The following PRKCH variants were observed in gnomAD, a reference collection of about 807,000 sequenced individuals.
PRKCH encodes protein kinase C eta type.
A neutral mutation model predicts 82.5 loss-of-function variants in PRKCH; 28 were observed. That is an observed-to-expected ratio of 0.34 (90% confidence interval 0.25 to 0.47). PRKCH has a LOEUF of 0.47. Ranked by LOEUF, PRKCH falls within the 20% of genes least tolerant of loss-of-function variation. The pLI, the probability that PRKCH is intolerant of heterozygous loss-of-function variation, is 1.00. For synonymous variants in PRKCH, 322 were observed against 327.4 expected (o/e 0.98, Z 0.18); for missense variants, 705 against 881.8 (o/e 0.80, Z 2.54).
chr14:61,504,310 T>C (rs946948762), intron 10 of PRKCH, among the ~76,000 whole-genome samples: 2 of 152,126 alleles, frequency 1.3e-5, no homozygotes, highest in African/African-American at 4.8e-5. Context: ...TGCTTCAGCC[T>C]CCTGAGTAGC....
intron 1 of PRKCH, among the ~76,000 whole-genome samples, chr14:61,241,169 A>G (rs1055446498): frequency 6.6e-6 from 1 of 152,184 alleles, no homozygotes; most frequent in Non-Finnish European, 1.5e-5. Context: ...TTACTGGTTT[A>G]TTATAAGGGT....
chr14:61,216,458 A>G (rs2044617058), intron 1 of PRKCH, among the ~76,000 whole-genome samples: 1 of 151,994 alleles, frequency 6.6e-6, no homozygotes, highest in Non-Finnish European at 1.5e-5. Flanking sequence ...TGATAGAGCA[A>G]GACTCTGTCT....
chr14:61,276,564 C>G (rs1351835032), intron 1 of PRKCH, among the ~76,000 whole-genome samples: 1 of 151,912 alleles, frequency 6.6e-6, no homozygotes, highest in East Asian at 1.9e-4. Flanking sequence ...CCATGTTGGC[C>G]AGGCTGGTCT....
At chr14:61,533,070 C>G (rs1047633061) in intron 12 of PRKCH, among the ~76,000 whole-genome samples, 2 of 152,200 alleles carry the variant, frequency 1.3e-5, no homozygotes, top group African/African-American at 4.8e-5. Flanking sequence ...TACCTTCTGG[C>G]TGAGTGGCCT....
At chr14:61,305,027 TTTTC>T (rs1440033040) in intron 1 of PRKCH, 2 of 152,082 alleles carry the variant, frequency 1.3e-5, no homozygotes, top group African/African-American at 4.8e-5. Context: ...AGCTGGTGTG[TTTTC>T]TTTCTTTATT....
At position 61,321,802 on chromosome 14, in the gene PRKCH, C is replaced by G. The variant is rs1214380783; in HGVS notation, c.-300C>G. ...GAGCTGCCCGGCCCTGGAGAAGGGG[C>G]GAGTCCTGCGCGAGTCCCCGGGAGG... On this transcript the variant is annotated 5_prime_UTR_variant, in exon 1 of 14. Transcript: ENST00000332981. This position sits in a 1 kb window ranked among gnomAD's most constrained non-coding sequence, Gnocchi z 4.1. The G allele has an allele frequency of 3.4e-6, 1 of 293,354 alleles. No individual in the cohort carries two copies. Among genetic ancestry groups the G allele is most frequent in the East Asian group, 7.7e-5 (1 of 13,070 alleles). 18.2% of individuals were successfully genotyped at this position (293,354 alleles called of 1,614,324 possible).
chr14:61,335,720 T>A (rs2045848455), intron 1 of PRKCH, among the ~76,000 whole-genome samples: 2 of 152,236 alleles, frequency 1.3e-5, no homozygotes, highest in East Asian at 3.8e-4. Flanking sequence ...ATAATGCCTA[T>A]TTTGGCATCT....
intron 9 of PRKCH, among the ~76,000 whole-genome samples, chr14:61,472,853 T>C (rs11621877): frequency 0.64 from 97,920 of 152,152 alleles, 32,727 homozygotes; most frequent in Non-Finnish European, 0.74. Context: ...AGTGTACTTA[T>C]CTTGCATTTT....
chr14:61,260,317 A>T (rs991409251), intron 1 of PRKCH, among the ~76,000 whole-genome samples: 2 of 152,240 alleles, frequency 1.3e-5, no homozygotes, highest in Admixed American at 1.3e-4. Flanking sequence ...AACAAAGGAC[A>T]GAACCACTAG....
chr14:61,338,919 T>A (rs1348586281), intron 1 of PRKCH, among the ~76,000 whole-genome samples: 1 of 152,192 alleles, frequency 6.6e-6, no homozygotes, highest in East Asian at 1.9e-4. Context: ...AAATTGTGCC[T>A]GTCAAGATAT....
intron 1 of PRKCH, among the ~76,000 whole-genome samples, chr14:61,299,033 C>T (rs1456201028): frequency 6.6e-6 from 1 of 152,180 alleles, no homozygotes; most frequent in East Asian, 1.9e-4. Flanking sequence ...TCTGGTGTCA[C>T]TTCTCCCTTG....
chr14:61,269,995 T>C (rs2045138476), intron 1 of PRKCH, among the ~76,000 whole-genome samples: 1 of 152,146 alleles, frequency 6.6e-6, no homozygotes, highest in Admixed American at 6.5e-5. Context: ...GCAGGAAAAA[T>C]GCAAGACTCT....
At chr14:61,240,231 T>TC (rs1203124245) in intron 1 of PRKCH, among the ~76,000 whole-genome samples, 18 of 151,876 alleles carry the variant, frequency 1.2e-4, no homozygotes, top group Non-Finnish European at 2.4e-4. Context: ...AGAAAACAGC[T>TC]CCCCTGTACA....
intron 2 of PRKCH, among the ~76,000 whole-genome samples, chr14:61,405,356 T>C (rs1477744284): frequency 1.3e-5 from 2 of 151,054 alleles, no homozygotes; most frequent in Non-Finnish European, 2.9e-5. Flanking sequence ...TCAGAAAATT[T>C]AGGCGCAGCT....
chr14:61,537,839 T>C (rs1354578416), intron 12 of PRKCH: 2 of 152,288 alleles, frequency 1.3e-5, no homozygotes, highest in Non-Finnish European at 2.9e-5. Context: ...TGTATGCATG[T>C]GGGTTTCTCT....
At chr14:61,220,339 G>T (rs536141141) in intron 1 of PRKCH, among the ~76,000 whole-genome samples, 1 of 152,284 alleles carries the variant, frequency 6.6e-6, no homozygotes, top group South Asian at 2.1e-4. Context: ...TGGACAAAAT[G>T]GGAGGAAAAA....
intron 1 of PRKCH, among the ~76,000 whole-genome samples, chr14:61,328,443 T>TA (rs766081218): frequency 7.8e-6 from 1 of 128,422 alleles, no homozygotes; most frequent in African/African-American, 2.8e-5. Context: ...CCCAAAATGT[T>TA]AAAGTCAGGG....
chr14:61,298,927 G>C (rs756236375), intron 1 of PRKCH: 24 of 152,152 alleles, frequency 1.6e-4, no homozygotes, highest in Non-Finnish European at 2.9e-4. Context: ...ATGAAAGGAA[G>C]TACACTTGGA....
chr14:61,313,476 G>C (rs1301985336), intron 1 of PRKCH, among the ~76,000 whole-genome samples: 1 of 152,080 alleles, frequency 6.6e-6, no homozygotes, highest in Non-Finnish European at 1.5e-5. Flanking sequence ...ATTTTATTTT[G>C]AGACAGGGTC....
Sources: gnomAD v4.1 joint callset for allele counts (sites outside exome capture counted in the v4.1 genomes callset) on GRCh38, gnomAD v4.1.1 for gene constraint, Gnocchi (gnomAD v3.1) non-coding constraint, MANE v1.5 for transcripts, NCBI Gene and HGNC (gene_info 2026-07-23, HGNC 2026-07-21) for gene names.